Variants in TSPAN7 observed in about 807,000 individuals in gnomAD.
TSPAN7 encodes the protein tetraspanin-7.
A neutral mutation model predicts 17.6 loss-of-function variants in TSPAN7; 1 was observed. The observed-to-expected ratio is 0.06, with a 90% confidence interval of 0.02 to 0.27. TSPAN7 has a LOEUF of 0.27. Among genes scored for constraint, TSPAN7 ranks in the 10% least tolerant of loss-of-function variants. TSPAN7 has a pLI of 1.00. For missense variants in TSPAN7, 112 were observed against 201.7 expected, an observed-to-expected ratio of 0.56 and a Z score of 2.69; for synonymous variants, 78 against 79.0, an observed-to-expected ratio of 0.99 and a Z score of 0.07.
chrX:38,612,677 C>T (rs1246665455), intron 1 of TSPAN7: 6 of 111,621 alleles, frequency 5.4e-5, no homozygotes, highest in Non-Finnish European at 9.4e-5. Flanking sequence ...GTAAGTTTTT[C>T]GAGGCCTTGC....
intron 1 of TSPAN7, among the ~76,000 whole-genome samples, chrX:38,576,849 G>A (rs985917393): frequency 1.8e-5 from 2 of 112,107 alleles, no homozygotes; most frequent in Admixed American, 1.9e-4. Context: ...ATGAGTTAGG[G>A]TTTTGGGCCT....
chrX:38,681,061 A>G (rs1419232182), intron 5 of TSPAN7, 143 bp from the exon 6 acceptor site: 4 of 516,252 alleles, frequency 7.7e-6, no homozygotes, highest in Non-Finnish European at 1.0e-5. Flanking sequence ...GTTTGAAAAG[A>G]ATGCTAATAA....
intron 6 of TSPAN7, among the ~76,000 whole-genome samples, chrX:38,683,787 T>A (rs1204979104): frequency 1.8e-5 from 2 of 113,220 alleles, no homozygotes; most frequent in Non-Finnish European, 3.7e-5. Flanking sequence ...CAGATGCCTG[T>A]TCACAAAGAA....
Position 38,642,152 on chromosome X carries a change from CCA to C in TSPAN7, c.82-23968_82-23967del, listed in dbSNP as rs10585973. On this transcript the variant is annotated intron_variant, in intron 1 of 7. Coordinates refer to ENST00000378482, the MANE Select transcript of TSPAN7 (RefSeq NM_004615.4). ...TCTTCAACCCTGTCTGCAGTGGTTC[CCA>C]GAGATTAAAGGGAGCACACCTTGAG... Among the ~76,000 whole-genome samples the C allele has an allele frequency of 4.0e-3, 447 of 111,579 alleles. 5 individuals are homozygous for C. Among genetic ancestry groups the C allele is most frequent in the African/African-American group, 0.014 (431 of 30,649 alleles).
chrX:38,685,999 A>G (rs745472262), intron 6 of TSPAN7, among the ~76,000 whole-genome samples: 1 of 112,307 alleles, frequency 8.9e-6, no homozygotes, highest in African/African-American at 3.2e-5. Flanking sequence ...TTGGTTCTGG[A>G]AAATGGAAGT....
chrX:38,684,349 C>T (rs1467077614), intron 6 of TSPAN7, among the ~76,000 whole-genome samples: 6 of 111,307 alleles, frequency 5.4e-5, no homozygotes. Context: ...TCAAGGTAAA[C>T]CTCATTTGTC....
chrX:38,591,291 G>A (rs2069290176), intron 1 of TSPAN7, among the ~76,000 whole-genome samples: 1 of 110,508 alleles, frequency 9.0e-6, no homozygotes, highest in Non-Finnish European at 1.9e-5. Context: ...TTTAATCCGT[G>A]GATGACTTGG....
chrX:38,607,524 G>T (rs765147863), intron 1 of TSPAN7, among the ~76,000 whole-genome samples: 1 of 111,301 alleles, frequency 9.0e-6, no homozygotes, highest in African/African-American at 3.3e-5. Flanking sequence ...GACCCCACAC[G>T]CAGAGCTGCT....
intron 1 of TSPAN7, among the ~76,000 whole-genome samples, chrX:38,613,226 G>A (rs1261245543): frequency 7.2e-5 from 8 of 110,996 alleles, no homozygotes; most frequent in African/African-American, 2.3e-4. Flanking sequence ...TGTTTGTTTC[G>A]GTTCTTTAGT....
At chrX:38,684,350 C>T (rs1311693438) in intron 6 of TSPAN7, among the ~76,000 whole-genome samples, 1 of 104,829 alleles carries the variant, frequency 9.5e-6, no homozygotes, top group Non-Finnish European at 1.9e-5. Flanking sequence ...CAAGGTAAAC[C>T]TCATTTGTCT....
chrX:38,666,427 C>T lies in TSPAN7; in HGVS notation c.270+118C>T, dbSNP rs896947761. 6.5e-6 allele frequency: 5 copies of T among 771,531 alleles called. No individual in the cohort carries two copies. The African/African-American group carries it at 1.1e-4, about 16-fold the overall frequency. The allele number at this position is 771,531 out of a possible 1,213,427, so 63.6% of individuals were successfully genotyped here. A position where few individuals can be genotyped will look rare whatever the true frequency, so the allele number is the denominator to read the frequency against. ...AGACAAGACCTTAACAATTTCAGTCCAGACTCTTTCCTAATCCATCCTTTA... is the reference window on the plus strand; with the variant it reads ...AGACAAGACCTTAACAATTTCAGTCTAGACTCTTTCCTAATCCATCCTTTA... On this transcript the variant is annotated intron_variant, in intron 2 of 7. Coordinates refer to ENST00000378482, the MANE Select transcript of TSPAN7 (RefSeq NM_004615.4).
intron 1 of TSPAN7, among the ~76,000 whole-genome samples, chrX:38,658,526 G>C (rs2069718967): frequency 9.0e-6 from 1 of 111,315 alleles, no homozygotes; most frequent in African/African-American, 3.3e-5. Context: ...TTTCTTCCAT[G>C]TCCTACTTCT....
intron 1 of TSPAN7, among the ~76,000 whole-genome samples, chrX:38,567,729 T>C (rs940077634): frequency 8.9e-5 from 10 of 112,353 alleles, no homozygotes; most frequent in African/African-American, 3.2e-4. Flanking sequence ...GTATTCTATT[T>C]CTCAACTTTT....
intron 6 of TSPAN7, among the ~76,000 whole-genome samples, chrX:38,683,823 A>G (rs1450269806): frequency 1.8e-5 from 2 of 113,298 alleles, no homozygotes; most frequent in Non-Finnish European, 3.7e-5. Flanking sequence ...CTGGTCAGTG[A>G]CCTGGAACCA....
intron 1 of TSPAN7, among the ~76,000 whole-genome samples, chrX:38,645,262 G>A (rs946443254): frequency 2.7e-5 from 3 of 112,390 alleles, no homozygotes; most frequent in Admixed American, 1.9e-4. Flanking sequence ...CTGCTGCTCT[G>A]TGAGCCCATT....
intron 1 of TSPAN7, among the ~76,000 whole-genome samples, chrX:38,636,955 G>A (rs990417438): frequency 5.3e-5 from 6 of 112,225 alleles, no homozygotes; most frequent in African/African-American, 1.6e-4. Context: ...ACGCCTGGCC[G>A]GATTTCTTTT....
intron 1 of TSPAN7, among the ~76,000 whole-genome samples, chrX:38,572,701 G>A (rs2069175266): frequency 9.0e-6 from 1 of 111,083 alleles, no homozygotes; most frequent in African/African-American, 3.3e-5. Flanking sequence ...CTTCCCAAAG[G>A]TAGACCCCTT....
chrX:38,562,649 C>T (rs1030618393), intron 1 of TSPAN7, among the ~76,000 whole-genome samples: 35 of 110,840 alleles, frequency 3.2e-4, no homozygotes, highest in Non-Finnish European at 5.7e-4. Flanking sequence ...GGAATCAGTG[C>T]AGGGCTGACA....
At chrX:38,665,202 T>C (rs775982813) in intron 1 of TSPAN7, among the ~76,000 whole-genome samples, 3 of 112,083 alleles carry the variant, frequency 2.7e-5, no homozygotes, top group Non-Finnish European at 5.6e-5. Context: ...GGGGCCAAAC[T>C]GGAGATGGTC....
Sources: gnomAD v4.1 joint callset for allele counts (sites outside exome capture counted in the v4.1 genomes callset) on GRCh38, gnomAD v4.1.1 for gene constraint, MANE v1.5 for transcripts, NCBI Gene and HGNC (gene_info 2026-07-23, HGNC 2026-07-21) for gene names.